The following GPC3 variants were observed in gnomAD, a reference collection of about 807,000 sequenced individuals.
The protein encoded by GPC3 is glypican 3, also known as glypican-3.
Under a neutral mutation model 34.4 loss-of-function variants are expected in GPC3, and 3 were observed. The observed-to-expected ratio is 0.09, with a 90% CI of 0.04 to 0.23. The LOEUF (loss-of-function observed/expected upper bound fraction) is 0.23. GPC3 is among the 10% of genes least tolerant of loss of function. The pLI, the probability that GPC3 is intolerant of heterozygous loss-of-function variation, is 1.00. For synonymous variants in GPC3, 177 were observed against 174.0 expected, an observed-to-expected ratio of 1.02 and a Z score of -0.13; for missense variants, 351 against 445.6, an observed-to-expected ratio of 0.79 and a Z score of 1.91.
At chrX:133,916,860 CAA>C (rs2076227409) in intron 2 of GPC3, among the ~76,000 whole-genome samples, 1 of 110,831 alleles carries the variant, frequency 9.0e-6, no homozygotes, top group Non-Finnish European at 1.9e-5. Context: ...ACCTGGGTGA[CAA>C]AGTGAGATCC....
chrX:133,565,512 T>C (rs1213349778), intron 7 of GPC3, among the ~76,000 whole-genome samples: 1 of 112,265 alleles, frequency 8.9e-6, no homozygotes, highest in African/African-American at 3.2e-5. Flanking sequence ...ATCTGTGAGT[T>C]GAACTGAAAT....
At chrX:133,910,668 T>C (rs1383471017) in intron 2 of GPC3, among the ~76,000 whole-genome samples, 2 of 112,235 alleles carry the variant, frequency 1.8e-5, no homozygotes, top group East Asian at 5.6e-4. Flanking sequence ...ACAGAAGGCA[T>C]CACACAATCT....
intron 5 of GPC3, among the ~76,000 whole-genome samples, chrX:133,672,100 AGAGT>A (rs2070832269): frequency 9.0e-6 from 1 of 111,518 alleles, no homozygotes. Flanking sequence ...TGGTGAGGAA[AGAGT>A]GAGAGGTTAG....
At chrX:133,965,900 GGA>G (rs1474627198) in intron 1 of GPC3, among the ~76,000 whole-genome samples, 1 of 110,833 alleles carries the variant, frequency 9.0e-6, no homozygotes, top group Non-Finnish European at 1.9e-5. Flanking sequence ...GGAGTAGGGG[GGA>G]GAGAGGCAAC....
At chrX:133,838,925 G>C (rs1194260902) in intron 2 of GPC3, among the ~76,000 whole-genome samples, 1 of 111,674 alleles carries the variant, frequency 9.0e-6, no homozygotes, top group Non-Finnish European at 1.9e-5. Context: ...TAAGGGAGCA[G>C]ACTTCAACAG....
At chrX:133,700,133 G>A (rs188117240) in intron 3 of GPC3, 105 bp from the exon 4 acceptor site, 3 of 610,913 alleles carry the variant, frequency 4.9e-6, no homozygotes, top group Non-Finnish European at 8.1e-6. Context: ...TTAAATAGCA[G>A]AACAAAGCTA....
chrX:133,667,052 T>C (rs939088504), intron 5 of GPC3, among the ~76,000 whole-genome samples: 28 of 112,216 alleles, frequency 2.5e-4, no homozygotes, highest in African/African-American at 8.4e-4. Flanking sequence ...AAAATGTTTT[T>C]CCAGCTTTCT....
chrX:133,550,512 A>C (rs977746487), intron 7 of GPC3, among the ~76,000 whole-genome samples: 6 of 111,821 alleles, frequency 5.4e-5, no homozygotes, highest in African/African-American at 2.0e-4. Context: ...ACTGTGCTTC[A>C]TTGAAGAAAG....
intron 3 of GPC3, among the ~76,000 whole-genome samples, chrX:133,739,663 T>C (rs1192007064): frequency 9.3e-6 from 1 of 108,009 alleles, no homozygotes; most frequent in Non-Finnish European, 1.9e-5. Flanking sequence ...CTGGGCAACA[T>C]AGCAAGACCC....
intron 7 of GPC3, among the ~76,000 whole-genome samples, chrX:133,594,495 A>T (rs1392003635): frequency 1.8e-5 from 2 of 112,325 alleles, no homozygotes; most frequent in African/African-American, 6.5e-5. Context: ...TGAATGGATA[A>T]AAAAGTGTGG....
Position 133,803,154 on chromosome X carries a change from T to C in GPC3, c.338-48978A>G, listed in dbSNP as rs1443369606. Reference sequence around the variant, plus strand: ...GTTGGTCAGGGTGGTCTTGAACTCCTGACCTCGTGATCCGCCCACCCTGGC... The same window carrying C: ...GTTGGTCAGGGTGGTCTTGAACTCCCGACCTCGTGATCCGCCCACCCTGGC... On this transcript the variant is annotated intron_variant, in intron 2 of 7. Coordinates refer to ENST00000370818, the MANE Select transcript of GPC3 (RefSeq NM_004484.4). 2.7e-5 allele frequency among the ~76,000 whole-genome samples: 3 copies of C among 111,661 alleles called. No individual in the cohort carries two copies. In the East Asian group the frequency reaches 8.4e-4, roughly 31 times the overall value.
chrX:133,730,246 G>C (rs2071449549), intron 3 of GPC3, among the ~76,000 whole-genome samples: 2 of 111,917 alleles, frequency 1.8e-5, no homozygotes, highest in Non-Finnish European at 3.8e-5. Context: ...GTACTCATCT[G>C]CAAATGAAAT....
intron 6 of GPC3, among the ~76,000 whole-genome samples, chrX:133,619,475 T>A (rs2070205762): frequency 8.9e-6 from 1 of 112,058 alleles, no homozygotes; most frequent in Admixed American, 9.5e-5. Flanking sequence ...AATATATTGT[T>A]TCTATACAAT....
At chrX:133,741,099 T>C (rs1041518356) in intron 3 of GPC3, among the ~76,000 whole-genome samples, 2 of 109,893 alleles carry the variant, frequency 1.8e-5, no homozygotes, top group Non-Finnish European at 3.8e-5. Context: ...TCTCTCTCTA[T>C]GTCCTCCTCT....
At chrX:133,852,985 CAAAAAAAAAAAAAA>C (rs33927142) in intron 2 of GPC3, among the ~76,000 whole-genome samples, 2 of 42,132 alleles carry the variant, frequency 4.7e-5, no homozygotes, top group African/African-American at 1.8e-4. Context: ...TTTTAAATTC[CAAAAAAAAAAAAAA>C]AAAAAAAAAA....
chrX:133,909,510 T>G (rs997389283), intron 2 of GPC3, among the ~76,000 whole-genome samples: 3 of 112,027 alleles, frequency 2.7e-5, no homozygotes, highest in African/African-American at 6.5e-5. Flanking sequence ...TTCTTCAATA[T>G]GAATGTTTTA....
intron 7 of GPC3, among the ~76,000 whole-genome samples, chrX:133,593,353 GT>G (rs1569391712): frequency 5.0e-4 from 29 of 58,100 alleles, no homozygotes; most frequent in South Asian, 8.8e-4. Flanking sequence ...AAAAAAAAAA[GT>G]AAAAAAAAAA....
At chrX:133,640,162 T>G (rs2070467177) in intron 6 of GPC3, among the ~76,000 whole-genome samples, 1 of 112,132 alleles carries the variant, frequency 8.9e-6, no homozygotes, top group Non-Finnish European at 1.9e-5. Context: ...AGTGAGATGC[T>G]AGGTGTTGAT....
At chrX:133,645,236 G>A (rs774940052) in intron 6 of GPC3, among the ~76,000 whole-genome samples, 10 of 111,697 alleles carry the variant, frequency 9.0e-5, no homozygotes, top group Middle Eastern at 4.6e-3. Flanking sequence ...TTCTCGGACC[G>A]GATTCAACTG....
Sources: gnomAD v4.1 joint callset for allele counts (sites outside exome capture counted in the v4.1 genomes callset) on GRCh38, gnomAD v4.1.1 for gene constraint, MANE v1.5 for transcripts, NCBI Gene and HGNC (gene_info 2026-07-23, HGNC 2026-07-21) for gene names.